Variants in ZC3HAV1 observed in about 807,000 individuals in gnomAD.
The protein encoded by ZC3HAV1 is zinc finger CCCH-type containing, antiviral 1.
ZC3HAV1 carries 41 observed loss-of-function variants against 86.6 expected under a neutral mutation model. The observed-to-expected ratio is 0.47, with a 90% CI of 0.37 to 0.61. ZC3HAV1 has a LOEUF of 0.61. ZC3HAV1 is among the 20% of genes least tolerant of loss of function. The pLI is 0.00. For synonymous variants in ZC3HAV1, 421 were observed against 432.1 expected (o/e 0.97, Z 0.32); for missense variants, 964 against 1,141.1 (o/e 0.84, Z 2.24).
chr7:139,086,792 G>A (rs1448785920), intron 2 of ZC3HAV1, among the ~76,000 whole-genome samples: 5 of 152,150 alleles, frequency 3.3e-5, no homozygotes, highest in African/African-American at 9.7e-5. Flanking sequence ...GTTTTATAAA[G>A]GGCTTCCCCC....
At chr7:139,091,092 A>T (rs896249553) in intron 1 of ZC3HAV1, among the ~76,000 whole-genome samples, 1 of 152,174 alleles carries the variant, frequency 6.6e-6, no homozygotes, top group Non-Finnish European at 1.5e-5. Context: ...CTGTGGTTTC[A>T]GATAACCAGT....
At chr7:139,057,094 A>T (rs1199549211) in intron 9 of ZC3HAV1, among the ~76,000 whole-genome samples, 9 of 133,238 alleles carry the variant, frequency 6.8e-5, no homozygotes, top group Non-Finnish European at 1.4e-4. Context: ...CATCCCTATA[A>T]TCCCAGCACT....
At chr7:139,106,823 G>A (rs1285888645) in intron 1 of ZC3HAV1, among the ~76,000 whole-genome samples, 2 of 139,872 alleles carry the variant, frequency 1.4e-5, no homozygotes, top group South Asian at 2.2e-4. Flanking sequence ...AAAGTACTTA[G>A]TAATCAAATG....
Position 139,047,488 on chromosome 7 carries a change from A to G in ZC3HAV1, c.*106T>C, listed in dbSNP as rs1442173617. 6.6e-7 allele frequency: 1 copy of G among 1,506,070 alleles called. No individual in the cohort carries two copies. Among genetic ancestry groups the G allele is most frequent in the Non-Finnish European group, 9.0e-7 (1 of 1,109,706 alleles). 93.3% of individuals were successfully genotyped at this position (1,506,070 alleles called of 1,614,324 possible). On this transcript the variant is annotated 3_prime_UTR_variant, in exon 13 of 13. Coordinates refer to ENST00000242351, the MANE Select transcript of ZC3HAV1 (RefSeq NM_020119.4). Reference sequence around the variant, plus strand: ...GGGGACCACTGATCTAAGACATTAGATAACTGAGCAGGAAAATATAAAACT... The same window carrying G: ...GGGGACCACTGATCTAAGACATTAGGTAACTGAGCAGGAAAATATAAAACT...
chr7:139,101,216 G>A (rs76188155), intron 1 of ZC3HAV1, among the ~76,000 whole-genome samples: 1 of 151,764 alleles, frequency 6.6e-6, no homozygotes, highest in Admixed American at 6.6e-5. Context: ...CCAGCCGCCT[G>A]CCTTGGCCTC....
chr7:139,053,309 C>T (rs1408856841), intron 12 of ZC3HAV1, 142 bp downstream of exon 12: 25 of 981,500 alleles, frequency 2.5e-5, no homozygotes, highest in Non-Finnish European at 3.1e-5. Context: ...TTGATATTAC[C>T]GTGAGCTTAC....
chr7:139,065,455 C>T (rs1432288391), intron 7 of ZC3HAV1, among the ~76,000 whole-genome samples: 2 of 152,114 alleles, frequency 1.3e-5, no homozygotes, highest in Admixed American at 6.5e-5. Flanking sequence ...ACCATCTGGT[C>T]CTCGTCCAAA....
chr7:139,065,032 G>C, intron 7 of ZC3HAV1, 33 bp from the exon 8 acceptor site: 1 of 1,612,472 alleles, frequency 6.2e-7, no homozygotes, highest in South Asian at 1.1e-5. Flanking sequence ...GTAAAGTCAG[G>C]GTAGGCTTTT....
chr7:139,094,269 A>G (rs1191831698), intron 1 of ZC3HAV1, among the ~76,000 whole-genome samples: 1 of 152,132 alleles, frequency 6.6e-6, no homozygotes, highest in Non-Finnish European at 1.5e-5. Flanking sequence ...TTTTACGAAC[A>G]TACTTGGAGT....
chr7:139,089,530 A>C, intron 2 of ZC3HAV1, 94 bp downstream of exon 2: 1 of 1,428,670 alleles, frequency 7.0e-7, no homozygotes, highest in South Asian at 1.5e-5. Flanking sequence ...CCCTGGCATT[A>C]ATTTTGAATT....
chr7:139,077,293 G>T (rs1373183769), intron 5 of ZC3HAV1, among the ~76,000 whole-genome samples: 5 of 152,172 alleles, frequency 3.3e-5, no homozygotes, highest in African/African-American at 9.7e-5. Context: ...GCCCAGGCTG[G>T]AGTGCAATGG....
At chr7:139,055,143 G>C (rs770534652) in intron 10 of ZC3HAV1, 62 bp downstream of exon 10, 11 of 1,435,960 alleles carry the variant, frequency 7.7e-6, no homozygotes, top group African/African-American at 1.4e-5. Flanking sequence ...ACATACACTT[G>C]TAGCAAAGTA....
At chr7:139,051,218 C>T (rs1387537596) in intron 12 of ZC3HAV1, among the ~76,000 whole-genome samples, 1 of 151,888 alleles carries the variant, frequency 6.6e-6, no homozygotes, top group Non-Finnish European at 1.5e-5. Flanking sequence ...CCACTGCACC[C>T]AGCTAATTTT....
intron 2 of ZC3HAV1, among the ~76,000 whole-genome samples, chr7:139,088,398 G>A (rs1173608742): frequency 6.6e-6 from 1 of 152,180 alleles, no homozygotes; most frequent in Non-Finnish European, 1.5e-5. Context: ...TGGTCAATGT[G>A]ATTGAGCAGA....
At chr7:139,100,126 A>C (rs1401760719) in intron 1 of ZC3HAV1, among the ~76,000 whole-genome samples, 1 of 152,078 alleles carries the variant, frequency 6.6e-6, no homozygotes. Flanking sequence ...TGATGACCAA[A>C]AAAGTAAAAT....
In ZC3HAV1 at chr7:139,044,373, T is replaced by C. The variant is rs1815900487; in HGVS notation, c.*3221A>G. The C allele has an allele frequency of 1.3e-5, 2 of 152,220 alleles. No individual in the cohort carries two copies. The highest frequency in any genetic ancestry group is 4.1e-4 in the South Asian group (2 of 4,832). The allele number at this position is 152,220 out of a possible 1,614,324, so 9.4% of individuals were successfully genotyped here. A position where few individuals can be genotyped will look rare whatever the true frequency, so the allele number is the denominator to read the frequency against. The stretch of plus-strand genomic sequence containing the variant: ...CTCATTACAAGGAAGAGTAAACATC[T>C]GTCTGTTTCAAACAGCGTAGTCATG... On this transcript the variant is annotated 3_prime_UTR_variant, in exon 13 of 13. Transcript: ENST00000242351.
At chr7:139,097,426 ATAT>A (rs1264282655) in intron 1 of ZC3HAV1, among the ~76,000 whole-genome samples, 1,690 of 75,222 alleles carry the variant, frequency 0.022, 11 homozygotes, top group Non-Finnish European at 0.029. Context: ...ATATATATAT[ATAT>A]TTTTTTTTTT....
intron 1 of ZC3HAV1, among the ~76,000 whole-genome samples, chr7:139,097,428 A>ATATATAT: frequency 4.4e-4 from 21 of 48,156 alleles, no homozygotes; most frequent in African/African-American, 2.4e-3. Flanking sequence ...ATATATATAT[A>ATATATAT]TTTTTTTTTT....
At chr7:139,070,615 G>A (rs999304138) in intron 7 of ZC3HAV1, among the ~76,000 whole-genome samples, 3 of 142,846 alleles carry the variant, frequency 2.1e-5, no homozygotes, top group Admixed American at 1.5e-4. Flanking sequence ...AGTAAGCCGA[G>A]ATCGCGCCAC....
Sources: allele counts gnomAD v4.1 joint callset (sites outside exome capture counted in the v4.1 genomes callset), GRCh38; gene constraint gnomAD v4.1.1; transcripts MANE v1.5; gene names NCBI Gene and HGNC (gene_info 2026-07-23, HGNC 2026-07-21).